DEGS2: variants seen among roughly 807,000 people sequenced by gnomAD.
DEGS2 encodes sphingolipid delta(4)-desaturase/C4-monooxygenase DES2.
A neutral mutation model predicts 23.8 loss-of-function variants in DEGS2; 19 were observed. That is an observed-to-expected ratio of 0.80 (90% CI 0.56 to 1.17). The LOEUF (loss-of-function observed/expected upper bound fraction) is 1.17, where lower values mean the gene tolerates loss of function less well. DEGS2 is among the 50% of genes most tolerant of loss of function. The pLI, the probability that DEGS2 is intolerant of heterozygous loss-of-function variation, is 0.00. For missense variants in DEGS2, 390 were observed against 459.5 expected (o/e 0.85, Z 1.38); for synonymous variants, 218 against 213.7 (o/e 1.02, Z -0.18).
chr14:100,163,025 A>G (rs1484754391), upstream of DEGS2, among the ~76,000 whole-genome samples: 1 of 152,262 alleles, frequency 6.6e-6, no homozygotes, highest in African/African-American at 2.4e-5. Context: ...ATGAAAGGGC[A>G]ACCGACCCAA....
chr14:100,158,367 C>A (rs961164734), intron 1 of DEGS2, among the ~76,000 whole-genome samples: 2 of 150,560 alleles, frequency 1.3e-5, no homozygotes, highest in African/African-American at 4.9e-5. Flanking sequence ...GCTAAGATCG[C>A]GCCTAGCCAA....
Position 100,149,686 on chromosome 14 carries a change from A to G in DEGS2, c.107T>C (p.Leu36Pro), listed in dbSNP as rs1889532017. ...CTTGAGGCGCGGGTCTGGCCGCATC[A>G]GGGCCTTGATGGCCGGGTACTTGGC... The part of the protein sequence containing the change: ...ILAKYPAIKA[L>P]MRPDPRLKWA... Residue 36 changes from leucine to proline, a missense_variant, in exon 2 of 3, where the codon CTG becomes CCG. Transcript: ENST00000305631. 1 of 1,606,738 alleles carries G rather than the reference A, an allele frequency of 6.2e-7. No homozygotes were observed. Among genetic ancestry groups the G allele is most frequent in the African/African-American group, 1.3e-5 (1 of 74,754 alleles).
At chr14:100,150,045 C>T (rs904129563) in intron 1 of DEGS2, among the ~76,000 whole-genome samples, 1 of 152,240 alleles carries the variant, frequency 6.6e-6, no homozygotes, top group Admixed American at 6.5e-5. Context: ...AGAGGCTGTG[C>T]CTTGATGCCG....
At chr14:100,159,889 A>C, upstream of DEGS2, 2 of 214,370 alleles carry the variant, frequency 9.3e-6, no homozygotes, top group Non-Finnish European at 1.8e-5. Context: ...GGGTCCCTCG[A>C]TGCGCGGGGG....
In DEGS2 at chr14:100,149,153, C is replaced by T. The variant is rs1446795826; in HGVS notation, c.640G>A (p.Ala214Thr). Reference sequence around the variant, plus strand: ...AGGCCCAGGCCCAGGAAGGAGCTGGCCAGCAGGTAGACCACGGGCTTGAGC... The same window carrying T: ...AGGCCCAGGCCCAGGAAGGAGCTGGTCAGCAGGTAGACCACGGGCTTGAGC... ...WGLKPVVYLLASSFLGLGLHP... is the reference protein window; with the variant it reads ...WGLKPVVYLLTSSFLGLGLHP... The change falls in exon 2 of 3, where the codon GCC becomes ACC. Residue 214 changes from alanine (A) to threonine (T), a missense_variant. Coordinates refer to ENST00000305631, the MANE Select transcript of DEGS2 (RefSeq NM_206918.3). 1.9e-6 allele frequency: 3 copies of T among 1,612,942 alleles called. No individual in the cohort carries two copies. In the South Asian group the frequency reaches 3.3e-5, roughly 18 times the overall value.
At chr14:100,165,261 T>C in the DEGS2 span, among the ~76,000 whole-genome samples, 10 of 152,258 alleles carry the variant, frequency 6.6e-5, no homozygotes, top group African/African-American at 2.2e-4. Flanking sequence ...CTGAAATTAC[T>C]CAAACCAGCC....
intron 1 of DEGS2, among the ~76,000 whole-genome samples, chr14:100,157,315 G>A (rs1447419734): frequency 6.6e-6 from 1 of 152,248 alleles, no homozygotes; most frequent in African/African-American, 2.4e-5. Flanking sequence ...CAGGACACTG[G>A]CTGCCATGTG....
At chr14:100,157,379 G>C (rs1276540599) in intron 1 of DEGS2, among the ~76,000 whole-genome samples, 2 of 152,234 alleles carry the variant, frequency 1.3e-5, no homozygotes, top group Non-Finnish European at 2.9e-5. Context: ...GTGAAGTGAA[G>C]CTGGGGATAG....
intron 1 of DEGS2, among the ~76,000 whole-genome samples, chr14:100,158,577 G>A (rs922472082): frequency 5.9e-5 from 9 of 152,164 alleles, no homozygotes; most frequent in Non-Finnish European, 1.0e-4. Flanking sequence ...CGATTAAAAT[G>A]TGAAACCTCC....
chr14:100,162,625 A>G (rs936325999), upstream of DEGS2, among the ~76,000 whole-genome samples: 1 of 152,168 alleles, frequency 6.6e-6, no homozygotes, highest in African/African-American at 2.4e-5. Flanking sequence ...ACACGCGCAC[A>G]CAGCATTGGA....
intron 1 of DEGS2, among the ~76,000 whole-genome samples, chr14:100,154,574 G>T (rs748905823): frequency 6.6e-6 from 1 of 152,190 alleles, no homozygotes; most frequent in African/African-American, 2.4e-5. Flanking sequence ...GGTGTGAAAC[G>T]TCTGCACACT....
At chr14:100,154,321 C>T (rs535846873) in intron 1 of DEGS2, among the ~76,000 whole-genome samples, 24 of 149,872 alleles carry the variant, frequency 1.6e-4, no homozygotes, top group Non-Finnish European at 3.1e-4. Context: ...GCCAAAATCA[C>T]ACCACTGGAC....
chr14:100,149,671 G>C lies in DEGS2; in HGVS notation c.122C>G (p.Pro41Arg). 2 of 1,610,310 alleles carry C rather than the reference G, an allele frequency of 1.2e-6. No homozygotes were observed. Among genetic ancestry groups the C allele is most frequent in the Non-Finnish European group, 1.7e-6 (2 of 1,178,574 alleles). The change falls in exon 2 of 3, where the codon CCG (proline) becomes CGG (arginine). Residue 41 changes from proline to arginine, a missense_variant. Physicochemically the swap from Pro to Arg is moderately radical, Grantham distance 103 (BLOSUM62 -2). Coordinates refer to ENST00000305631, the MANE Select transcript of DEGS2 (RefSeq NM_206918.3). ...CACCAGCACCGCCCACTTGAGGCGC[G>C]GGTCTGGCCGCATCAGGGCCTTGAT... ...PAIKALMRPDPRLKWAVLVLV... is the reference protein window; with the variant it reads ...PAIKALMRPDRRLKWAVLVLV...
At chr14:100,157,394 G>A (rs1281018259) in intron 1 of DEGS2, among the ~76,000 whole-genome samples, 3 of 152,210 alleles carry the variant, frequency 2.0e-5, no homozygotes, top group Non-Finnish European at 4.4e-5. Flanking sequence ...GGATAGCCAG[G>A]GGAGGGGACA....
chr14:100,164,690 G>A, the DEGS2 span, among the ~76,000 whole-genome samples: 6 of 152,194 alleles, frequency 3.9e-5, no homozygotes, highest in Non-Finnish European at 8.8e-5. Flanking sequence ...CTGAATGAAT[G>A]ACAGAAGGAA....
At chr14:100,159,116 G>A (rs1174175575) in intron 1 of DEGS2, among the ~76,000 whole-genome samples, 6 of 152,166 alleles carry the variant, frequency 3.9e-5, no homozygotes, top group African/African-American at 1.4e-4. Flanking sequence ...TGGAGGCCCC[G>A]CGTCGCGCAA....
intron 1 of DEGS2, among the ~76,000 whole-genome samples, chr14:100,150,873 C>G (rs1566741618): frequency 2.6e-5 from 4 of 152,160 alleles, no homozygotes; most frequent in Admixed American, 1.3e-4. Flanking sequence ...GCCCACCCTA[C>G]CAGCCCCTCA....
chr14:100,148,929 G>C, intron 2 of DEGS2, 39 bp downstream of exon 2: 1 of 1,592,566 alleles, frequency 6.3e-7, no homozygotes, highest in Non-Finnish European at 8.6e-7. Flanking sequence ...TGGCTGTGCA[G>C]CCCTGCCCCG....
the DEGS2 span, among the ~76,000 whole-genome samples, chr14:100,165,728 G>T: frequency 6.6e-6 from 1 of 151,954 alleles, no homozygotes; most frequent in African/African-American, 2.4e-5. Flanking sequence ...GTTCCCCAAG[G>T]CTCCTCCAAA....
Sources: gnomAD v4.1 joint callset for allele counts (sites outside exome capture counted in the v4.1 genomes callset) on GRCh38, gnomAD v4.1.1 for gene constraint, MANE v1.5 for transcripts, NCBI Gene and HGNC (gene_info 2026-07-23, HGNC 2026-07-21) for gene names.